MAGI1: variants seen among roughly 807,000 people sequenced by gnomAD.
The protein encoded by MAGI1 is membrane associated guanylate kinase, WW and PDZ domain containing 1, also known as membrane-associated guanylate kinase, WW and PDZ domain-containing protein 1.
In MAGI1, 58 loss-of-function variants were observed where a neutral mutation model predicts 139.9. The observed-to-expected ratio is 0.41, with a 90% CI of 0.34 to 0.52. The LOEUF (loss-of-function observed/expected upper bound fraction) is 0.52, where lower values mean the gene tolerates loss of function less well. MAGI1 is among the 20% of genes least tolerant of loss of function. The pLI is 0.12. For missense variants in MAGI1, 1,874 were observed against 1,901.6 expected (o/e 0.99, Z 0.27); for synonymous variants, 812 against 737.9 (o/e 1.10, Z -1.63).
chr3:65,793,751 T>C (rs1236083463), intron 1 of MAGI1, among the ~76,000 whole-genome samples: 1 of 152,200 alleles, frequency 6.6e-6, no homozygotes. Flanking sequence ...TAGTCTCTCC[T>C]TTCAGTTTAC....
chr3:65,528,064 T>TTTA (rs2078472991), intron 2 of MAGI1, among the ~76,000 whole-genome samples: 1 of 152,154 alleles, frequency 6.6e-6, no homozygotes, highest in South Asian at 2.1e-4. Flanking sequence ...ACTACAAAGA[T>TTTA]TTTAAGAGTA....
At chr3:65,605,832 T>C (rs571930254) in intron 2 of MAGI1, among the ~76,000 whole-genome samples, 20 of 152,274 alleles carry the variant, frequency 1.3e-4, no homozygotes, top group Admixed American at 1.2e-3. Flanking sequence ...ATCAAATATT[T>C]TGACGAAAGA....
At chr3:65,754,681 G>A (rs1387197511) in intron 1 of MAGI1, among the ~76,000 whole-genome samples, 1 of 152,168 alleles carries the variant, frequency 6.6e-6, no homozygotes, top group Non-Finnish European at 1.5e-5. Flanking sequence ...TTTGGAGAAG[G>A]CCCACTGGGT....
At chr3:65,384,623 A>T (rs1943301578) in intron 14 of MAGI1, among the ~76,000 whole-genome samples, 1 of 152,098 alleles carries the variant, frequency 6.6e-6, no homozygotes. Flanking sequence ...ACTCCTAGCT[A>T]TTCGGGAGCT....
At chr3:65,751,937 AT>A (rs1028678108) in intron 1 of MAGI1, among the ~76,000 whole-genome samples, 8 of 151,976 alleles carry the variant, frequency 5.3e-5, no homozygotes, top group African/African-American at 1.9e-4. Flanking sequence ...ATATCGTCTG[AT>A]TTTTTCGTTT....
At chr3:65,521,785 C>T (rs2078175301) in intron 2 of MAGI1, among the ~76,000 whole-genome samples, 1 of 152,160 alleles carries the variant, frequency 6.6e-6, no homozygotes, top group Admixed American at 6.5e-5. Flanking sequence ...TATAGGATAA[C>T]AATCAGAAAA....
At position 65,794,689 on chromosome 3, in the gene MAGI1, C is replaced by T. The variant is rs169059; in HGVS notation, c.314-172601G>A. Among the ~76,000 whole-genome samples, 3 of 151,922 alleles carry T rather than the reference C, an allele frequency of 2.0e-5. No homozygotes were observed. In the South Asian group the frequency reaches 6.2e-4, roughly 32 times the overall value. ...CCCAGCAGGAGACCCTATCCCTCCA[C>T]CCTGCTGTCCTCACTCAGAAAAAAA... On this transcript the variant is annotated intron_variant, in intron 1 of 22. Transcript: ENST00000402939.
chr3:65,716,923 TTGG>T (rs1248908281), intron 1 of MAGI1, among the ~76,000 whole-genome samples: 6 of 152,146 alleles, frequency 3.9e-5, no homozygotes, highest in African/African-American at 1.4e-4. Context: ...AAGAAAAATA[TTGG>T]TGAATGTTGT....
intron 1 of MAGI1, among the ~76,000 whole-genome samples, chr3:66,016,674 A>G (rs2067657769): frequency 6.6e-6 from 1 of 152,224 alleles, no homozygotes; most frequent in East Asian, 1.9e-4. Flanking sequence ...CAGGACATCA[A>G]GAAAATCTGA....
intron 3 of MAGI1, among the ~76,000 whole-genome samples, chr3:65,486,124 ATC>A (rs934360897): frequency 8.1e-4 from 124 of 152,274 alleles, no homozygotes; most frequent in Admixed American, 2.4e-3. Flanking sequence ...CCCCTATTTT[ATC>A]TCTGTGTCCC....
intron 1 of MAGI1, among the ~76,000 whole-genome samples, chr3:65,911,379 G>A (rs2061663218): frequency 6.6e-6 from 1 of 152,024 alleles, no homozygotes; most frequent in Admixed American, 6.5e-5. Context: ...CTACAGAGAT[G>A]TGGCTTCAGC....
intron 5 of MAGI1, among the ~76,000 whole-genome samples, chr3:65,468,746 T>A (rs990922602): frequency 2.0e-5 from 3 of 151,964 alleles, no homozygotes; most frequent in Non-Finnish European, 4.4e-5. Flanking sequence ...TCATACTACC[T>A]AATTTTCATT....
intron 2 of MAGI1, among the ~76,000 whole-genome samples, chr3:65,587,729 G>A (rs762739316): frequency 2.0e-5 from 3 of 151,782 alleles, no homozygotes; most frequent in African/African-American, 2.4e-5. Flanking sequence ...CAATCCACCC[G>A]CCTTGGTCTC....
chr3:65,855,997 C>G (rs1055909148), intron 1 of MAGI1, among the ~76,000 whole-genome samples: 6 of 152,050 alleles, frequency 3.9e-5, no homozygotes, highest in Admixed American at 3.9e-4. Flanking sequence ...CAGCACTGAC[C>G]AGCAGAATTT....
At chr3:65,470,107 A>C in intron 5 of MAGI1, 176 bp downstream of exon 5, 1 of 545,158 alleles carries the variant, frequency 1.8e-6, no homozygotes, top group South Asian at 2.5e-5. Flanking sequence ...TTGAGAATCG[A>C]TAAGTTGGTA....
At chr3:65,405,353 G>C (rs1017751252) in intron 12 of MAGI1, among the ~76,000 whole-genome samples, 3 of 152,160 alleles carry the variant, frequency 2.0e-5, no homozygotes, top group African/African-American at 7.2e-5. Flanking sequence ...GTCATAGTTG[G>C]TGAAATTTTA....
At chr3:65,640,032 G>A (rs543315080) in intron 1 of MAGI1, among the ~76,000 whole-genome samples, 3 of 149,382 alleles carry the variant, frequency 2.0e-5, no homozygotes, top group Admixed American at 2.0e-4. Context: ...GCTTTGAGCT[G>A]GGAATCAGTT....
intron 1 of MAGI1, among the ~76,000 whole-genome samples, chr3:65,662,469 C>A (rs534146913): frequency 6.6e-6 from 1 of 152,168 alleles, no homozygotes; most frequent in African/African-American, 2.4e-5. Context: ...TGGCCATGGC[C>A]GCGTTCCAGT....
At chr3:65,868,991 G>C (rs1189002866) in intron 1 of MAGI1, among the ~76,000 whole-genome samples, 1 of 151,924 alleles carries the variant, frequency 6.6e-6, no homozygotes, top group Non-Finnish European at 1.5e-5. Flanking sequence ...ATTACTGCCG[G>C]GCGCGGTGGC....
Sources: gnomAD v4.1 joint callset for allele counts (sites outside exome capture counted in the v4.1 genomes callset) on GRCh38, gnomAD v4.1.1 for gene constraint, MANE v1.5 for transcripts, NCBI Gene and HGNC (gene_info 2026-07-23, HGNC 2026-07-21) for gene names.